Variants in ZFYVE9 observed in about 807,000 individuals in gnomAD.
ZFYVE9 encodes the protein zinc finger FYVE domain-containing protein 9.
ZFYVE9 carries 43 observed loss-of-function variants against 126.7 expected under a neutral mutation model. The ratio of observed to expected loss-of-function variants is 0.34; its 90% confidence interval spans 0.27 to 0.44. The LOEUF (loss-of-function observed/expected upper bound fraction) is 0.44, where lower values mean the gene tolerates loss of function less well. ZFYVE9 is among the 20% of genes least tolerant of loss of function. The pLI is 1.00. For missense variants in ZFYVE9, 1,476 were observed against 1,697.0 expected (o/e 0.87, Z 2.29); for synonymous variants, 521 against 597.4 (o/e 0.87, Z 1.87).
chr1:52,196,024 C>G (rs757125578), intron 1 of ZFYVE9, among the ~76,000 whole-genome samples: 1 of 152,056 alleles, frequency 6.6e-6, no homozygotes, highest in Non-Finnish European at 1.5e-5. Flanking sequence ...GAACTCCTGA[C>G]CTCGTGATCC....
chr1:52,324,951 A>G (rs1646276653), intron 13 of ZFYVE9, among the ~76,000 whole-genome samples: 2 of 152,132 alleles, frequency 1.3e-5, no homozygotes, highest in South Asian at 2.1e-4. Flanking sequence ...CCTTGGCAAC[A>G]TAGTAAGAAA....
rs113262686 is a variant in ZFYVE9, at chr1:52,239,571, G to A, written c.2154G>A (p.Arg718=). The A allele has an allele frequency of 1.4e-5, 22 of 1,613,736 alleles. No homozygotes were observed. The African/African-American group carries it at 2.3e-4, about 17-fold the overall frequency. The change falls in exon 4 of 19, where the codon AGG becomes AGA. Residue 718 remains arginine, a synonymous_variant. Transcript: ENST00000287727. ...CEARFTFTKR[R]HHCRACGKVF... Reference sequence around the variant, plus strand: ...CCAGGTTTACATTCACCAAAAGGAGGCATCACTGCAGAGCATGTGGGAAGG... The same window carrying A: ...CCAGGTTTACATTCACCAAAAGGAGACATCACTGCAGAGCATGTGGGAAGG...
chr1:52,266,405 TAAAAAAAAAAAAAAA>T (rs33996604), intron 5 of ZFYVE9, among the ~76,000 whole-genome samples: 1,001 of 85,664 alleles, frequency 0.012, 24 homozygotes, highest in African/African-American at 0.045. Flanking sequence ...TCTAATTCTT[TAAAAAAAAAAAAAAA>T]AAAAAAAAAA....
chr1:52,308,276 G>A (rs544690240), intron 13 of ZFYVE9, among the ~76,000 whole-genome samples: 1 of 152,154 alleles, frequency 6.6e-6, no homozygotes, highest in East Asian at 1.9e-4. Flanking sequence ...AACTTCCTGG[G>A]CTCAAGTGAT....
chr1:52,256,421 G>C (rs1645519949), intron 4 of ZFYVE9, among the ~76,000 whole-genome samples: 4 of 151,790 alleles, frequency 2.6e-5, no homozygotes, highest in Admixed American at 2.6e-4. Context: ...GCTCAGGCTG[G>C]AGTGCAGTGG....
At chr1:52,175,058 T>C (rs1644611437) in intron 1 of ZFYVE9, among the ~76,000 whole-genome samples, 1 of 152,216 alleles carries the variant, frequency 6.6e-6, no homozygotes, top group African/African-American at 2.4e-5. Flanking sequence ...TGGTGTTAGC[T>C]GGTTATTTTG....
rs775195046 is a variant in ZFYVE9, at chr1:52,274,522, C to T, written c.2684C>T (p.Ala895Val). The change falls in exon 8 of 19, where the codon GCA becomes GTA. Residue 895 changes from alanine to valine, a missense_variant. Ala to Val is a moderately conservative substitution (Grantham distance 64). Transcript: ENST00000287727. ...CAGGTTGGAAGTCCTGTTGGAAGTG[C>T]AATGAATCTTATTCCTGAAGATGGC... Reference protein sequence around the residue: ...ITQVGSPVGSAMNLIPEDGLP... With the variant: ...ITQVGSPVGSVMNLIPEDGLP... The T allele has an allele frequency of 6.2e-7, 1 of 1,612,644 alleles. No homozygotes were observed. Among genetic ancestry groups the T allele is most frequent in the African/African-American group, 1.3e-5 (1 of 74,876 alleles).
chr1:52,170,089 A>G (rs1326952686), intron 1 of ZFYVE9, among the ~76,000 whole-genome samples: 3 of 152,292 alleles, frequency 2.0e-5, no homozygotes, highest in East Asian at 3.9e-4. Flanking sequence ...TTTAATATTC[A>G]GTTCAAAGCT....
intron 4 of ZFYVE9, among the ~76,000 whole-genome samples, chr1:52,245,675 T>G (rs1252429669): frequency 6.6e-6 from 1 of 152,196 alleles, no homozygotes; most frequent in Non-Finnish European, 1.5e-5. Context: ...AGCATTTGTT[T>G]AGTGCCTATT....
intron 13 of ZFYVE9, among the ~76,000 whole-genome samples, chr1:52,308,671 T>C (rs1301730441): frequency 6.6e-6 from 1 of 152,214 alleles, no homozygotes; most frequent in African/African-American, 2.4e-5. Context: ...CCCCACTCAT[T>C]ATTCAGGTGT....
Position 52,205,103 on chromosome 1 carries a change from C to G in ZFYVE9, c.-142-11266C>G, listed in dbSNP as rs1644965303. 2.1e-5 allele frequency among the ~76,000 whole-genome samples: 3 copies of G among 145,282 alleles called. 1 individual carries two copies. The South Asian group carries it at 6.6e-4, about 32-fold the overall frequency. ...TTTTTTTTTTTTTTGAAGACAGGAC[C>G]TCATTCTGTCGCCCAGGCTGGAGTG... On this transcript the variant is annotated intron_variant, in intron 1 of 18. Coordinates refer to ENST00000287727, the MANE Select transcript of ZFYVE9 (RefSeq NM_004799.4).
rs188148648 is a variant in ZFYVE9, at chr1:52,307,605, A to G, written c.3438+3680A>G. On this transcript the variant is annotated intron_variant, in intron 13 of 18. Transcript: ENST00000287727. ...GCTCCTATTCATATAACCTGTTTTTATCTGAACTCTGTTGCCTCCGTTTAT... is the reference window on the plus strand; with the variant it reads ...GCTCCTATTCATATAACCTGTTTTTGTCTGAACTCTGTTGCCTCCGTTTAT... Among the ~76,000 whole-genome samples the G allele has an allele frequency of 2.3e-3, 357 of 152,284 alleles. 8 individuals carry two copies. The highest frequency in any genetic ancestry group is 8.4e-3 in the African/African-American group (350 of 41,556).
chr1:52,249,110 T>C (rs1645418843), intron 4 of ZFYVE9, among the ~76,000 whole-genome samples: 1 of 152,246 alleles, frequency 6.6e-6, no homozygotes, highest in African/African-American at 2.4e-5. Flanking sequence ...CTGTCTCTCC[T>C]GTTCCACCAC....
At chr1:52,201,639 A>G (rs1644924294) in intron 1 of ZFYVE9, among the ~76,000 whole-genome samples, 3 of 151,780 alleles carry the variant, frequency 2.0e-5, no homozygotes, top group Admixed American at 6.6e-5. Context: ...TCAGCCTCCC[A>G]AAGTGCTAGA....
chr1:52,297,202 C>T (rs1347997357), intron 12 of ZFYVE9, among the ~76,000 whole-genome samples: 4 of 151,608 alleles, frequency 2.6e-5, no homozygotes, highest in African/African-American at 9.7e-5. Context: ...AGGTCACAGA[C>T]TCAATTCAAA....
rs1047884587 is a variant in ZFYVE9 at position 52,233,389 on chromosome 1, A to G, written c.70+113A>G. On this transcript the variant is annotated intron_variant, in intron 3 of 18. Coordinates refer to ENST00000287727, the MANE Select transcript of ZFYVE9 (RefSeq NM_004799.4). Reference sequence around the variant, plus strand: ...TCAGGTCTGATGACTTAATGATAGTAATATTATTTAATAATATACAGGGGA... The same window carrying G: ...TCAGGTCTGATGACTTAATGATAGTGATATTATTTAATAATATACAGGGGA... The G allele has an allele frequency of 1.1e-5, 6 of 539,464 alleles. No individual in the cohort carries two copies. The Admixed American group carries it at 1.2e-4, about 11-fold the overall frequency. The allele number at this position is 539,464 out of a possible 1,614,324, so 33.4% of individuals were successfully genotyped here.
intron 12 of ZFYVE9, among the ~76,000 whole-genome samples, chr1:52,299,277 A>G (rs1218115976): frequency 2.0e-5 from 3 of 152,182 alleles, no homozygotes; most frequent in African/African-American, 7.2e-5. Flanking sequence ...GTATCCTACA[A>G]CTTTACCGAA....
At chr1:52,310,053 C>T (rs960090703) in intron 13 of ZFYVE9, among the ~76,000 whole-genome samples, 15 of 150,992 alleles carry the variant, frequency 9.9e-5, no homozygotes, top group Admixed American at 2.0e-4. Flanking sequence ...CTCACTGCAA[C>T]CTCTGCATCC....
chr1:52,143,968 A>T (rs934139016), intron 1 of ZFYVE9, among the ~76,000 whole-genome samples: 1 of 152,174 alleles, frequency 6.6e-6, no homozygotes, highest in African/African-American at 2.4e-5. Context: ...CTCGATTTTT[A>T]AAAGTCTAAT....
Sources: gnomAD v4.1 joint callset for allele counts (sites outside exome capture counted in the v4.1 genomes callset) on GRCh38, gnomAD v4.1.1 for gene constraint, MANE v1.5 for transcripts, NCBI Gene and HGNC (gene_info 2026-07-23, HGNC 2026-07-21) for gene names.